MYO7B: variants seen among roughly 807,000 people sequenced by gnomAD.
MYO7B encodes the protein unconventional myosin-VIIb.
In MYO7B, 212 loss-of-function variants were observed where a neutral mutation model predicts 259.7. The ratio of observed to expected loss-of-function variants is 0.82; its 90% CI spans 0.73 to 0.91. The LOEUF is 0.91. MYO7B is among the 40% of genes least tolerant of loss of function. The pLI, the probability that MYO7B is intolerant of heterozygous loss-of-function variation, is 0.00. For synonymous variants in MYO7B, 1,197 were observed against 1,166.4 expected, an observed-to-expected ratio of 1.03 and a Z score of -0.54; for missense variants, 2,732 against 2,813.5, an observed-to-expected ratio of 0.97 and a Z score of 0.66.
chr2:127,594,262 T>C (rs910624501), intron 18 of MYO7B, among the ~76,000 whole-genome samples: 1 of 152,222 alleles, frequency 6.6e-6, no homozygotes, highest in Non-Finnish European at 1.5e-5. Context: ...GGAGGGAACC[T>C]TCCTGTCCCC....
rs1466586318 is a variant in MYO7B, at chr2:127,576,978, A to C, written c.849+270A>C. ...CTCATCTTCCTTTGGTCCCCACTGG[A>C]TGACAGGCTCCCGGTGCCCAGTGGG... On this transcript the variant is annotated intron_variant, in intron 8 of 47. Coordinates refer to ENST00000409816, the MANE Select transcript of MYO7B (RefSeq NM_001393586.1). The surrounding 1 kb of genome is among the most constrained non-coding windows in gnomAD (Gnocchi z 4.9). 6.6e-6 allele frequency among the ~76,000 whole-genome samples: 1 copy of C among 151,538 alleles called. No individual in the cohort carries two copies. The highest frequency in any genetic ancestry group is 2.4e-5 in the African/African-American group (1 of 41,184).
chr2:127,628,675 G>GCAAA lies in MYO7B; in HGVS notation c.4624+140_4624+141insCAAA. The GCAAA allele has an allele frequency of 1.1e-6, 1 of 929,448 alleles. No individual in the cohort carries two copies. Among genetic ancestry groups the GCAAA allele is most frequent in the Admixed American group, 2.6e-5 (1 of 39,090 alleles). The allele number at this position is 929,448 out of a possible 1,614,324, so 57.6% of individuals were successfully genotyped here. ...GGAGGGAAGGCCCCAAAGCTCTGTG[G>GCAAA]GGGCAGCTTTAGGCAAGGCCCTGCC... is the stretch of plus-strand genomic sequence containing the variant. On this transcript the variant is annotated intron_variant, in intron 34 of 47. Transcript: ENST00000409816. This position sits in a 1 kb window ranked among gnomAD's most constrained non-coding sequence, Gnocchi z 4.8.
At chr2:127,621,180 A>G (rs1158115993) in intron 27 of MYO7B, among the ~76,000 whole-genome samples, 1 of 152,112 alleles carries the variant, frequency 6.6e-6, no homozygotes, top group East Asian at 1.9e-4. Context: ...CAGAAGAAAT[A>G]ACATCTCTCT....
At chr2:127,617,964 G>A (rs991114747) in intron 26 of MYO7B, among the ~76,000 whole-genome samples, 4 of 150,792 alleles carry the variant, frequency 2.7e-5, no homozygotes, top group Admixed American at 1.3e-4. Flanking sequence ...GTCTTTGCTA[G>A]TCCTTGCTAG....
chr2:127,566,422 C>T (rs1047689082), intron 4 of MYO7B, among the ~76,000 whole-genome samples: 9 of 152,242 alleles, frequency 5.9e-5, no homozygotes, highest in African/African-American at 1.7e-4. Flanking sequence ...AATATGTTCC[C>T]TGGGAGCTCA....
intron 19 of MYO7B, among the ~76,000 whole-genome samples, chr2:127,600,661 G>A (rs1264275560): frequency 1.3e-5 from 2 of 152,244 alleles, no homozygotes. Flanking sequence ...AGTGAGCCAA[G>A]ATTGTGCCAT....
At chr2:127,617,483 C>T (rs878868431) in intron 26 of MYO7B, among the ~76,000 whole-genome samples, 1 of 121,442 alleles carries the variant, frequency 8.2e-6, no homozygotes. Flanking sequence ...AGACTTGTAA[C>T]GGGGTTTTTT....
rs763071262 is a variant in MYO7B, at chr2:127,605,865, G to A, written c.2361G>A (p.Arg787=). The A allele has an allele frequency of 3.1e-6, 5 of 1,613,684 alleles. No individual in the cohort carries two copies. In the African/African-American group the frequency reaches 5.3e-5, roughly 17 times the overall value. The change falls in exon 20 of 48, where the codon AGG becomes AGA. Residue 787 remains arginine, a synonymous_variant. Transcript: ENST00000409816. ...YRYRKEFLRQ[R]RAAVTLQAWW... Reference sequence around the variant, plus strand: ...CTAGGAAGGAGTTCCTGAGGCAGAGGCGGGCAGCTGTGACCCTGCAGGCCT... The same window carrying A: ...CTAGGAAGGAGTTCCTGAGGCAGAGACGGGCAGCTGTGACCCTGCAGGCCT...
Position 127,620,370 on chromosome 2 carries a change from G to C in MYO7B, c.3429G>C (p.Gln1143His). The stretch of plus-strand genomic sequence containing the variant: ...AGATTTACTGCCAGATCTGCAAGCA[G>C]CTCTCGGAGAACTTCAAAACAAGCA... ...RDEIYCQICK[Q>H]LSENFKTSSL... The change falls in exon 27 of 48, where the codon CAG becomes CAC. Residue 1143 changes from glutamine to histidine, a missense_variant. Physicochemically the swap from Gln to His is conservative, Grantham distance 24. This residue lies in a region of MYO7B where 1,906 missense variants were observed against 2,026.4 expected (regional missense o/e 0.94). Transcript: ENST00000409816. 6.2e-7 allele frequency: 1 copy of C among 1,612,788 alleles called. No individual in the cohort carries two copies. The highest frequency in any genetic ancestry group is 8.5e-7 in the Non-Finnish European group (1 of 1,178,950).
chr2:127,630,128 G>A (rs1681388981), intron 35 of MYO7B, among the ~76,000 whole-genome samples: 2 of 152,270 alleles, frequency 1.3e-5, no homozygotes, highest in African/African-American at 2.4e-5. Context: ...GGGGACTCAA[G>A]TCTCTCCCTG....
chr2:127,568,818 A>C (rs1015689688), intron 5 of MYO7B, among the ~76,000 whole-genome samples: 2 of 151,964 alleles, frequency 1.3e-5, no homozygotes, highest in East Asian at 3.9e-4. Context: ...AATTGCTGGA[A>C]CTGGAGTGGG....
rs775391994 is a variant in MYO7B at position 127,627,203 on chromosome 2, G to A, written c.4353G>A (p.Thr1451=). 5.4e-5 allele frequency: 87 copies of A among 1,609,810 alleles called. No individual in the cohort carries two copies. The highest frequency in any genetic ancestry group is 6.7e-5 in the African/African-American group (5 of 74,882). The change falls in exon 33 of 48, where the codon ACG becomes ACA. Residue 1451 remains threonine, a synonymous_variant. Coordinates refer to ENST00000409816, the MANE Select transcript of MYO7B (RefSeq NM_001393586.1). This position sits in a 1 kb window ranked among gnomAD's most constrained non-coding sequence, Gnocchi z 5.6. The part of the protein sequence containing the change: ...ITLSGPRLPK[T]QLILAVNWKG... ...GGCCAGGCCCCCGCCTGCCCAAGAC[G>A]CAGCTGATCTTGGCTGTTAACTGGA...
intron 9 of MYO7B, among the ~76,000 whole-genome samples, chr2:127,578,571 C>T (rs1056211263): frequency 6.6e-6 from 1 of 152,134 alleles, no homozygotes; most frequent in East Asian, 1.9e-4. Flanking sequence ...CCAGAGTAAA[C>T]AAATCCACGT....
intron 4 of MYO7B, among the ~76,000 whole-genome samples, chr2:127,566,442 T>C (rs945420594): frequency 2.0e-5 from 3 of 152,240 alleles, no homozygotes; most frequent in African/African-American, 7.2e-5. Flanking sequence ...ACCTTCCTGG[T>C]GGATATCCCA....
At chr2:127,543,755 T>A (rs57603333) in intron 1 of MYO7B, among the ~76,000 whole-genome samples, 7 of 146,148 alleles carry the variant, frequency 4.8e-5, no homozygotes, top group Non-Finnish European at 8.9e-5. Context: ...TATATATATT[T>A]TTTTTTTGAG....
intron 19 of MYO7B, among the ~76,000 whole-genome samples, chr2:127,603,593 C>A (rs761161649): frequency 6.6e-6 from 1 of 152,138 alleles, no homozygotes; most frequent in Non-Finnish European, 1.5e-5. Context: ...GTCACCCAGG[C>A]TTTGTTGTTT....
chr2:127,633,151 G>T, intron 39 of MYO7B, 107 bp from the exon 40 acceptor site: 1 of 849,840 alleles, frequency 1.2e-6, no homozygotes, highest in Non-Finnish European at 1.9e-6. Context: ...ATGGTCACTG[G>T]GGTTTTCTTT....
intron 12 of MYO7B, among the ~76,000 whole-genome samples, chr2:127,583,593 G>A (rs1176542586): frequency 6.6e-6 from 1 of 152,248 alleles, no homozygotes; most frequent in Non-Finnish European, 1.5e-5. Context: ...TCTGACTTGA[G>A]CCGGGGGTGG....
rs1011294721 is a variant in MYO7B at position 127,611,319 on chromosome 2, C to T, written c.3193-931C>T. Reference sequence around the variant, plus strand: ...CCCACACAGGGCAGGAATTTCAGGACGCAGGGATCACGGGGGCCATGTTGG... The same window carrying T: ...CCCACACAGGGCAGGAATTTCAGGATGCAGGGATCACGGGGGCCATGTTGG... On this transcript the variant is annotated intron_variant, in intron 24 of 47. Coordinates refer to ENST00000409816, the MANE Select transcript of MYO7B (RefSeq NM_001393586.1). The surrounding 1 kb of genome is among the most constrained non-coding windows in gnomAD (Gnocchi z 5.4). 7.2e-5 allele frequency among the ~76,000 whole-genome samples: 11 copies of T among 152,310 alleles called. No homozygotes were observed. The East Asian group carries it at 7.7e-4, about 11-fold the overall frequency.
Sources: gnomAD v4.1 joint callset for allele counts (sites outside exome capture counted in the v4.1 genomes callset) on GRCh38, gnomAD v4.1.1 for gene constraint, gnomAD v4.1.1 regional missense constraint, Gnocchi (gnomAD v3.1) non-coding constraint, MANE v1.5 for transcripts, NCBI Gene and HGNC (gene_info 2026-07-23, HGNC 2026-07-21) for gene names.